GGNBP2: variants seen among roughly 807,000 people sequenced by gnomAD.
GGNBP2 encodes the protein gametogenetin binding protein 2.
Under a neutral mutation model 85.9 loss-of-function variants are expected in GGNBP2, and 10 were observed. That is an observed-to-expected ratio of 0.12 (90% CI 0.07 to 0.20). The LOEUF (loss-of-function observed/expected upper bound fraction) is 0.20, where lower values mean the gene tolerates loss of function less well. Among genes scored for constraint, GGNBP2 ranks in the 10% least tolerant of loss-of-function variants. The pLI is 1.00. For synonymous variants in GGNBP2, 287 were observed against 285.7 expected (o/e 1.00, Z -0.05); for missense variants, 595 against 857.8 (o/e 0.69, Z 3.83).
At chr17:36,566,396 A>G (rs560569805) in intron 5 of GGNBP2, among the ~76,000 whole-genome samples, 47 of 152,262 alleles carry the variant, frequency 3.1e-4, no homozygotes, top group African/African-American at 1.1e-3. Flanking sequence ...TTGGTGGCTC[A>G]CGCCTGTAAT....
In GGNBP2 at chr17:36,581,545, T is replaced by C; in HGVS notation, c.1215+7T>C. ...GGAAGTAAGCCAAGAGAAGGTAATA[T>C]TTCTTAATATCAACTCTTAAGTGTG... On this transcript the variant is annotated splice_region_variant and intron_variant, in intron 9 of 13. Coordinates refer to ENST00000613102, the MANE Select transcript of GGNBP2 (RefSeq NM_024835.5). 6.3e-7 allele frequency: 1 copy of C among 1,589,436 alleles called. No individual in the cohort carries two copies. The highest frequency in any genetic ancestry group is 8.6e-7 in the Non-Finnish European group (1 of 1,161,178).
At position 36,569,397 on chromosome 17, in the gene GGNBP2, C is replaced by T. The variant is rs753956454; in HGVS notation, c.641+1621C>T. On this transcript the variant is annotated intron_variant, in intron 6 of 13. Coordinates refer to ENST00000613102, the MANE Select transcript of GGNBP2 (RefSeq NM_024835.5). The stretch of plus-strand genomic sequence containing the variant: ...ACTGCACTCCAACGGAGCAAGACTC[C>T]GTCTCAAAAAAAGAAAAAGCAACTG... Among the ~76,000 whole-genome samples the T allele has an allele frequency of 1.3e-4, 20 of 152,142 alleles. 1 individual carries two copies. Among genetic ancestry groups the T allele is most frequent in the Non-Finnish European group, 2.2e-4 (15 of 67,996 alleles).
At chr17:36,578,598 C>A in intron 7 of GGNBP2, 1 of 166,880 alleles carries the variant, frequency 6.0e-6, no homozygotes, top group East Asian at 1.7e-4. Context: ...GAATGTAATT[C>A]ACGAACTGTG....
intron 5 of GGNBP2, among the ~76,000 whole-genome samples, chr17:36,566,620 G>A (rs1283275233): frequency 6.6e-6 from 1 of 151,990 alleles, no homozygotes; most frequent in Non-Finnish European, 1.5e-5. Context: ...GGGTGGGGTT[G>A]CACTGAGCCA....
intron 2 of GGNBP2, 64 bp from the exon 3 acceptor site, chr17:36,554,756 T>G (rs2074345671): frequency 2.9e-6 from 3 of 1,042,764 alleles, no homozygotes; most frequent in Middle Eastern, 2.0e-4. Context: ...TTCTGGAGTT[T>G]GTAGGCTGTA....
At chr17:36,585,497 TCTTA>T in intron 10 of GGNBP2, 47 bp downstream of exon 10, 1 of 1,323,518 alleles carries the variant, frequency 7.6e-7, no homozygotes, top group Non-Finnish European at 1.1e-6. Context: ...CTCTATTCTT[TCTTA>T]CTGTTAAATG....
chr17:36,553,984 T>C (rs963331396), intron 2 of GGNBP2, among the ~76,000 whole-genome samples: 2 of 152,182 alleles, frequency 1.3e-5, no homozygotes, highest in Admixed American at 6.6e-5. Context: ...AGTATATCAA[T>C]GTGCCCTTTT....
intron 6 of GGNBP2, among the ~76,000 whole-genome samples, chr17:36,572,312 G>A (rs573329058): frequency 1.3e-5 from 2 of 152,254 alleles, no homozygotes; most frequent in South Asian, 4.2e-4. Context: ...CTGAAAATGT[G>A]GAAGTATTTG....
chr17:36,581,111 C>T (rs1453585914), intron 8 of GGNBP2, among the ~76,000 whole-genome samples: 3 of 151,748 alleles, frequency 2.0e-5, no homozygotes, highest in Admixed American at 6.6e-5. Context: ...GGTGAAACCC[C>T]GTCTCTACTA....
chr17:36,589,122 A>G, intron 13 of GGNBP2, 86 bp from the exon 14 acceptor site: 1 of 898,410 alleles, frequency 1.1e-6, no homozygotes, highest in Non-Finnish European at 1.8e-6. Flanking sequence ...AAAAAGTTAG[A>G]CTGGTTTAAT....
rs2074714136 is a variant in GGNBP2, at chr17:36,587,466, A to G, written c.1890+221A>G. ...TCCATGGCCGCCTCTGTCTCAGTAG[A>G]AGACATTATAGGTATTCCTTGAGTT... is the stretch of plus-strand genomic sequence containing the variant. On this transcript the variant is annotated intron_variant, in intron 13 of 13. Transcript: ENST00000613102. The G allele has an allele frequency of 5.3e-6, 3 of 566,502 alleles. No homozygotes were observed. The South Asian group carries it at 6.2e-5, about 12-fold the overall frequency. 35.1% of individuals were successfully genotyped at this position (566,502 alleles called of 1,614,324 possible).
At chr17:36,587,569 A>C in intron 13 of GGNBP2, 1 of 266,296 alleles carries the variant, frequency 3.8e-6, no homozygotes, top group Non-Finnish European at 7.4e-6. Flanking sequence ...CATCCCAATA[A>C]ACCCTTTGTA....
At chr17:36,587,359 T>G (rs1837629425) in intron 13 of GGNBP2, 114 bp downstream of exon 13, 1 of 1,077,706 alleles carries the variant, frequency 9.3e-7, no homozygotes, top group African/African-American at 1.6e-5. Context: ...TATGAGAAAT[T>G]AAGGGTAGTA....
At chr17:36,581,709 CTA>C (rs2074652306) in intron 9 of GGNBP2, 171 bp downstream of exon 9, 2 of 403,970 alleles carry the variant, frequency 5.0e-6, no homozygotes, top group Non-Finnish European at 8.8e-6. Context: ...AGTGAGATCT[CTA>C]TCTCTATTTA....
intron 13 of GGNBP2, among the ~76,000 whole-genome samples, chr17:36,588,700 A>G (rs3208307): frequency 2.0e-5 from 3 of 151,004 alleles, no homozygotes; most frequent in African/African-American, 7.3e-5. Flanking sequence ...CCAAGGTTCA[A>G]GTGATTCTCC....
intron 2 of GGNBP2, among the ~76,000 whole-genome samples, chr17:36,552,539 TAACAA>T (rs1329832374): frequency 2.6e-5 from 2 of 77,470 alleles, no homozygotes; most frequent in South Asian, 4.4e-4. Flanking sequence ...AAAGTGCTTA[TAACAA>T]TGTCTAATAC....
At chr17:36,565,862 C>T (rs1433800373) in intron 5 of GGNBP2, among the ~76,000 whole-genome samples, 12 of 152,162 alleles carry the variant, frequency 7.9e-5, no homozygotes, top group Non-Finnish European at 1.6e-4. Context: ...CACCACTGCA[C>T]TCCAGCTTGG....
intron 1 of GGNBP2, 143 bp from the exon 2 acceptor site, chr17:36,545,476 C>T (rs940312409): frequency 7.2e-6 from 3 of 414,010 alleles, no homozygotes; most frequent in Non-Finnish European, 1.3e-5. Flanking sequence ...GCGCTGGGCG[C>T]TGATTGGCTG....
intron 2 of GGNBP2, among the ~76,000 whole-genome samples, chr17:36,548,906 C>T (rs1268532458): frequency 6.6e-6 from 1 of 151,842 alleles, no homozygotes; most frequent in African/African-American, 2.4e-5. Context: ...GATTGCGCCA[C>T]TGCACTCCAG....
Sources: allele counts gnomAD v4.1 joint callset (sites outside exome capture counted in the v4.1 genomes callset), GRCh38; gene constraint gnomAD v4.1.1; transcripts MANE v1.5; gene names NCBI Gene and HGNC (gene_info 2026-07-23, HGNC 2026-07-21).